Variants in DIP2C observed in about 807,000 individuals in gnomAD.
DIP2C encodes the protein disco-interacting protein 2 homolog C.
Under a neutral mutation model 192.4 loss-of-function variants are expected in DIP2C, and 33 were observed. The ratio of observed to expected loss-of-function variants is 0.17; its 90% CI spans 0.13 to 0.23. The LOEUF (loss-of-function observed/expected upper bound fraction) is 0.23, where lower values mean the gene tolerates loss of function less well. DIP2C is among the 10% of genes least tolerant of loss of function. The pLI is 1.00. For missense variants in DIP2C, 1,537 were observed against 2,110.1 expected, an observed-to-expected ratio of 0.73 and a Z score of 5.32; for synonymous variants, 979 against 864.1, an observed-to-expected ratio of 1.13 and a Z score of -2.33.
At chr10:614,847 GTCA>G (rs1440792741) in intron 1 of DIP2C, among the ~76,000 whole-genome samples, 1 of 152,214 alleles carries the variant, frequency 6.6e-6, no homozygotes, top group Non-Finnish European at 1.5e-5. Flanking sequence ...GATCCAACAC[GTCA>G]TCATAAGGAA....
intron 5 of DIP2C, 53 bp downstream of exon 5, chr10:422,767 GCACA>G (rs528663203): frequency 3.1e-5 from 48 of 1,551,672 alleles, no homozygotes; most frequent in Admixed American, 3.5e-5. Context: ...CAGAGAATGT[GCACA>G]CACAAAGGCG....
At chr10:505,063 C>T (rs1171837701) in intron 1 of DIP2C, among the ~76,000 whole-genome samples, 1 of 152,206 alleles carries the variant, frequency 6.6e-6, no homozygotes, top group African/African-American at 2.4e-5. Flanking sequence ...TCTGATGGGA[C>T]CTGTGTCCAC....
At chr10:278,062 G>T (rs1954612571) in intron 36 of DIP2C, among the ~76,000 whole-genome samples, 1 of 148,880 alleles carries the variant, frequency 6.7e-6, no homozygotes, top group Admixed American at 6.7e-5. Flanking sequence ...CTCTGTCTGT[G>T]CGGTGGCCCC....
chr10:427,184 AT>A (rs1281577255), intron 4 of DIP2C, among the ~76,000 whole-genome samples: 5 of 152,132 alleles, frequency 3.3e-5, no homozygotes, highest in Admixed American at 3.3e-4. Flanking sequence ...AGGAGAATCC[AT>A]TTCTTGGTCT....
chr10:674,794 A>G (rs1564332804), intron 1 of DIP2C, among the ~76,000 whole-genome samples: 2 of 127,628 alleles, frequency 1.6e-5, no homozygotes, highest in Non-Finnish European at 3.4e-5. Context: ...ATATATAGAG[A>G]GAGAGAGAGA....
intron 1 of DIP2C, among the ~76,000 whole-genome samples, chr10:606,109 G>A (rs1371340544): frequency 6.6e-6 from 1 of 152,238 alleles, no homozygotes; most frequent in Admixed American, 6.5e-5. Context: ...CAAAGATACA[G>A]AAACCCACGA....
chr10:381,432 T>C (rs1427314427), intron 17 of DIP2C, among the ~76,000 whole-genome samples: 1 of 152,136 alleles, frequency 6.6e-6, no homozygotes, highest in East Asian at 1.9e-4. Context: ...CTTCGGTGTG[T>C]TGAGCCCAAT....
At chr10:580,577 AG>A (rs1458304416) in intron 1 of DIP2C, among the ~76,000 whole-genome samples, 3 of 152,356 alleles carry the variant, frequency 2.0e-5, no homozygotes, top group Non-Finnish European at 2.9e-5. Context: ...GGACACATGT[AG>A]TGTACATACC....
At chr10:325,954 G>A (rs1957254902) in intron 31 of DIP2C, among the ~76,000 whole-genome samples, 1 of 152,186 alleles carries the variant, frequency 6.6e-6, no homozygotes, top group Non-Finnish European at 1.5e-5. Flanking sequence ...GGCCAGGGCA[G>A]ACAGATTGTT....
At chr10:640,159 C>T (rs1471296549) in intron 1 of DIP2C, among the ~76,000 whole-genome samples, 3 of 152,234 alleles carry the variant, frequency 2.0e-5, no homozygotes, top group East Asian at 3.9e-4. Context: ...ACCTACCACG[C>T]GGCTAACACA....
At chr10:495,382 A>G (rs1023443548) in intron 1 of DIP2C, among the ~76,000 whole-genome samples, 34 of 152,324 alleles carry the variant, frequency 2.2e-4, no homozygotes, top group African/African-American at 7.5e-4. Flanking sequence ...ACTGGGTAAG[A>G]GAATGGATCT....
chr10:612,950 C>A (rs1038048361), intron 1 of DIP2C, among the ~76,000 whole-genome samples: 5 of 152,164 alleles, frequency 3.3e-5, no homozygotes, highest in Non-Finnish European at 5.9e-5. Context: ...TCCGGCCCCC[C>A]TCCCAGTGGG....
At chr10:492,924 G>C (rs1052494774) in intron 1 of DIP2C, among the ~76,000 whole-genome samples, 1 of 152,352 alleles carries the variant, frequency 6.6e-6, no homozygotes, top group Middle Eastern at 3.4e-3. Context: ...ATAAGCTTCT[G>C]ATGTTAAAAG....
At chr10:379,619 C>CT (rs1296959933) in intron 17 of DIP2C, among the ~76,000 whole-genome samples, 3 of 152,138 alleles carry the variant, frequency 2.0e-5, no homozygotes, top group East Asian at 3.9e-4. Context: ...TTTTTGTTTT[C>CT]TTTTTTGCAG....
At chr10:678,816 G>A (rs560819008) in intron 1 of DIP2C, among the ~76,000 whole-genome samples, 3 of 42,490 alleles carry the variant, frequency 7.1e-5, no homozygotes, top group Non-Finnish European at 1.4e-4. Flanking sequence ...CATGCTCCCC[G>A]CGCCCATGCT....
chr10:382,779 C>T lies in DIP2C; in HGVS notation c.1877-18G>A, dbSNP rs1216406961. On this transcript the variant is annotated intron_variant, in intron 16 of 36. Transcript: ENST00000280886. ...AATAGACCCTAGAGTGAAAGAGGGACAATGATCAGACAGCTGAAGCACTGT... is the reference window on the plus strand; with the variant it reads ...AATAGACCCTAGAGTGAAAGAGGGATAATGATCAGACAGCTGAAGCACTGT... The T allele has an allele frequency of 6.4e-7, 1 of 1,554,780 alleles. No homozygotes were observed. The highest frequency in any genetic ancestry group is 2.3e-5 in the East Asian group (1 of 44,218).
intron 30 of DIP2C, among the ~76,000 whole-genome samples, chr10:327,727 T>A (rs1395694655): frequency 6.6e-6 from 1 of 152,238 alleles, no homozygotes; most frequent in Non-Finnish European, 1.5e-5. Context: ...TATATAGGAA[T>A]ATAAAACTAA....
At chr10:672,924 A>G (rs1830718828) in intron 1 of DIP2C, among the ~76,000 whole-genome samples, 1 of 152,242 alleles carries the variant, frequency 6.6e-6, no homozygotes, top group South Asian at 2.1e-4. Context: ...TACATGTACA[A>G]AAAATGTAGG....
chr10:621,864 C>T (rs906341685), intron 1 of DIP2C, among the ~76,000 whole-genome samples: 2 of 152,100 alleles, frequency 1.3e-5, no homozygotes, highest in Non-Finnish European at 2.9e-5. Context: ...GGATGTCATT[C>T]GCTGATAAAC....
Sources: allele counts gnomAD v4.1 joint callset (sites outside exome capture counted in the v4.1 genomes callset), GRCh38; gene constraint gnomAD v4.1.1; transcripts MANE v1.5; gene names NCBI Gene and HGNC (gene_info 2026-07-23, HGNC 2026-07-21).